STK33: variants seen among roughly 807,000 people sequenced by gnomAD.
STK33 encodes the protein serine/threonine-protein kinase 33.
STK33 carries 52 observed loss-of-function variants against 58.0 expected under a neutral mutation model. That is an observed-to-expected ratio of 0.90 (90% CI 0.72 to 1.13). The LOEUF (loss-of-function observed/expected upper bound fraction) is 1.13, where lower values mean the gene tolerates loss of function less well. Among genes scored for constraint, STK33 ranks in the 50% most tolerant of loss-of-function variants. The probability of loss-of-function intolerance (pLI) is 0.00; values close to 1 mark genes in which losing one functional copy is unlikely to be tolerated. For missense variants in STK33, 630 were observed against 604.2 expected (o/e 1.04, Z -0.45); for synonymous variants, 215 against 200.1 (o/e 1.07, Z -0.63).
chr11:8,448,132 G>C (rs1008201916), intron 11 of STK33, among the ~76,000 whole-genome samples: 1 of 152,180 alleles, frequency 6.6e-6, no homozygotes, highest in African/African-American at 2.4e-5. Context: ...TGAAATAAAA[G>C]AGGATACAAC....
chr11:8,366,013 G>A, the STK33 span, among the ~76,000 whole-genome samples: 2 of 152,208 alleles, frequency 1.3e-5, no homozygotes, highest in Non-Finnish European at 2.9e-5. Flanking sequence ...TGCCTGTTCT[G>A]GGGTAAGTCT....
chr11:8,538,839 G>C (rs576365950), intron 1 of STK33, among the ~76,000 whole-genome samples: 140 of 152,256 alleles, frequency 9.2e-4, no homozygotes, highest in African/African-American at 3.2e-3. Flanking sequence ...AGAATATGGA[G>C]CTATGATCTT....
At chr11:8,559,889 A>T (rs1415913299) in intron 1 of STK33, among the ~76,000 whole-genome samples, 1 of 152,140 alleles carries the variant, frequency 6.6e-6, no homozygotes, top group Non-Finnish European at 1.5e-5. Flanking sequence ...ATAAGCTCAT[A>T]CTATACCTAT....
chr11:8,588,764 T>C (rs1285340819), intron 1 of STK33, among the ~76,000 whole-genome samples: 1 of 152,100 alleles, frequency 6.6e-6, no homozygotes, highest in Non-Finnish European at 1.5e-5. Context: ...GCAAATCAAA[T>C]ATCTGAGAAT....
the STK33 span, among the ~76,000 whole-genome samples, chr11:8,363,161 G>A: frequency 6.6e-6 from 1 of 152,070 alleles, no homozygotes; most frequent in Admixed American, 6.5e-5. Flanking sequence ...GAGAGGGAAG[G>A]GCAACCAGGA....
chr11:8,365,376 C>T, the STK33 span, among the ~76,000 whole-genome samples: 1 of 152,226 alleles, frequency 6.6e-6, no homozygotes, highest in Non-Finnish European at 1.5e-5. Context: ...TTCAGCAACA[C>T]TCAGCTCAGC....
chr11:8,567,946 T>C (rs1957555632), intron 1 of STK33, among the ~76,000 whole-genome samples: 1 of 152,188 alleles, frequency 6.6e-6, no homozygotes, highest in Non-Finnish European at 1.5e-5. Flanking sequence ...GCAATATATC[T>C]GACTAATGAC....
Position 8,464,694 on chromosome 11 carries a change from G to A in STK33, c.453+15C>T. 6.3e-7 allele frequency: 1 copy of A among 1,579,590 alleles called. No individual in the cohort carries two copies. Among genetic ancestry groups the A allele is most frequent in the Non-Finnish European group, 8.7e-7 (1 of 1,149,184 alleles). On this transcript the variant is annotated intron_variant, in intron 7 of 15. Coordinates refer to ENST00000687296, the MANE Select transcript of STK33 (RefSeq NM_001352389.2). ...AACACTGTGCCCTCAGTAGGATGCTGCTAATGAGCCTTACCTTTTCTTTGT... is the reference window on the plus strand; with the variant it reads ...AACACTGTGCCCTCAGTAGGATGCTACTAATGAGCCTTACCTTTTCTTTGT...
chr11:8,403,932 C>A (rs368946836), intron 15 of STK33, among the ~76,000 whole-genome samples: 2 of 152,222 alleles, frequency 1.3e-5, no homozygotes, highest in African/African-American at 4.8e-5. Context: ...GTTAGCATTT[C>A]TCTGAATTTT....
chr11:8,527,671 C>T (rs1954168953), intron 1 of STK33, among the ~76,000 whole-genome samples: 1 of 151,978 alleles, frequency 6.6e-6, no homozygotes, highest in Non-Finnish European at 1.5e-5. Context: ...GCTCTTAGAC[C>T]AGAGCAAGAT....
At chr11:8,350,185 G>A in the STK33 span, among the ~76,000 whole-genome samples, 14 of 152,248 alleles carry the variant, frequency 9.2e-5, no homozygotes, top group Non-Finnish European at 1.8e-4. Context: ...GGTGGCAGAC[G>A]ATTTGGATCC....
chr11:8,401,350 C>G (rs923279198), intron 15 of STK33, among the ~76,000 whole-genome samples: 9 of 151,964 alleles, frequency 5.9e-5, no homozygotes, highest in African/African-American at 2.2e-4. Flanking sequence ...ACAAACCTGA[C>G]AAAAACAAGA....
the STK33 span, among the ~76,000 whole-genome samples, chr11:8,353,442 TG>T: frequency 6.6e-6 from 1 of 152,326 alleles, no homozygotes. Context: ...CTGCCTCCCT[TG>T]GGGGACAATC....
intron 15 of STK33, among the ~76,000 whole-genome samples, chr11:8,401,943 G>T (rs1373539371): frequency 6.6e-6 from 1 of 151,992 alleles, no homozygotes; most frequent in Non-Finnish European, 1.5e-5. Context: ...TTAGAATGGC[G>T]ATCATTAAAA....
intron 8 of STK33, among the ~76,000 whole-genome samples, chr11:8,458,857 T>C (rs1947187912): frequency 6.6e-6 from 1 of 152,226 alleles, no homozygotes; most frequent in African/African-American, 2.4e-5. Context: ...ATAAGCACTG[T>C]TAGTGCAATT....
intron 1 of STK33, among the ~76,000 whole-genome samples, chr11:8,577,640 G>T (rs1958282206): frequency 6.6e-6 from 1 of 152,004 alleles, no homozygotes; most frequent in East Asian, 1.9e-4. Flanking sequence ...CAGGAAAAAT[G>T]CAAAGTACTG....
the STK33 span, among the ~76,000 whole-genome samples, chr11:8,380,857 G>A: frequency 6.6e-6 from 1 of 152,088 alleles, no homozygotes; most frequent in Non-Finnish European, 1.5e-5. Flanking sequence ...ACCAATGAGT[G>A]CATTTTAAAA....
At chr11:8,337,274 C>T in the STK33 span, among the ~76,000 whole-genome samples, 1 of 152,172 alleles carries the variant, frequency 6.6e-6, no homozygotes, top group Non-Finnish European at 1.5e-5. Flanking sequence ...GTGTGATTCC[C>T]GGCCTATTTC....
the STK33 span, among the ~76,000 whole-genome samples, chr11:8,378,525 C>T: frequency 1.3e-5 from 2 of 152,064 alleles, no homozygotes; most frequent in Admixed American, 6.6e-5. Context: ...TCTCAAAAAA[C>T]AGACAAACAA....
Sources: allele counts gnomAD v4.1 joint callset (sites outside exome capture counted in the v4.1 genomes callset), GRCh38; gene constraint gnomAD v4.1.1; transcripts MANE v1.5; gene names NCBI Gene and HGNC (gene_info 2026-07-23, HGNC 2026-07-21).